Variants in DNAH8 observed in about 807,000 individuals in gnomAD.
DNAH8 encodes the protein dynein axonemal heavy chain 8.
In DNAH8, 382 loss-of-function variants were observed where a neutral mutation model predicts 562.1. That is an observed-to-expected ratio of 0.68 (90% CI 0.63 to 0.74). DNAH8 has a LOEUF of 0.74. DNAH8 is among the 30% of genes least tolerant of loss of function. The pLI is 0.00. For synonymous variants in DNAH8, 1,881 were observed against 1,919.4 expected, an observed-to-expected ratio of 0.98 and a Z score of 0.52; for missense variants, 5,203 against 5,620.4, an observed-to-expected ratio of 0.93 and a Z score of 2.37.
chr6:38,872,546 C>T lies in DNAH8; in HGVS notation c.7001C>T (p.Thr2334Met). 1 of 1,613,772 alleles carries T rather than the reference C, an allele frequency of 6.2e-7. No individual in the cohort carries two copies. Among genetic ancestry groups the T allele is most frequent in the South Asian group, 1.1e-5 (1 of 91,060 alleles). Residue 2334 changes from threonine (T) to methionine (M), a missense_variant, in exon 50 of 93, where the codon ACG becomes ATG. Thr to Met is a moderately conservative substitution (Grantham distance 81). Coordinates refer to ENST00000327475, the MANE Select transcript of DNAH8 (RefSeq NM_001206927.2). ...WNLKLVQLYE[T>M]SLVRHGLMTL... Reference sequence around the variant, plus strand: ...TGGTTAATTGTGTAGTTATATGAGACGTCTTTGGTACGGCATGGCTTGATG... The same window carrying T: ...TGGTTAATTGTGTAGTTATATGAGATGTCTTTGGTACGGCATGGCTTGATG...
intron 88 of DNAH8, among the ~76,000 whole-genome samples, chr6:39,007,054 C>A (rs931796266): frequency 7.9e-5 from 12 of 152,092 alleles, no homozygotes; most frequent in Non-Finnish European, 1.5e-4. Context: ...CACTTTATTT[C>A]CAGCATTCAT....
Position 38,842,853 on chromosome 6 carries a change from CT to C in DNAH8, c.4797del (p.Arg1600GlufsTer32). On this transcript the variant is annotated frameshift_variant, in exon 35 of 93. Transcript: ENST00000327475. LOFTEE classifies it high-confidence loss of function. The part of the protein sequence containing the change: ...PFDVESDSFC[L>X]RNIMEAPLLK... ...TGATGTGGAATCTGATTCTTTTTGCCTTAGAAATATCATGGAAGCACCACTC... is the reference window on the plus strand; with the variant it reads ...TGATGTGGAATCTGATTCTTTTTGCCTAGAAATATCATGGAAGCACCACTC... 4 of 1,613,684 alleles carry C rather than the reference CT, an allele frequency of 2.5e-6. No individual in the cohort carries two copies. Among genetic ancestry groups the C allele is most frequent in the Non-Finnish European group, 3.4e-6 (4 of 1,179,800 alleles).
At position 38,778,245 on chromosome 6, in the gene DNAH8, C is replaced by T. The variant is rs539098465; in HGVS notation, c.1963-143C>T. On this transcript the variant is annotated intron_variant, in intron 13 of 92. Transcript: ENST00000327475. ...TGTGGCCAAAGTCCATCATACTGGA[C>T]GATGCAGTTCTTGATGCTTAGATGG... The T allele has an allele frequency of 9.7e-5, 50 of 513,692 alleles. No homozygotes were observed. In the Middle Eastern group the frequency reaches 2.1e-3, roughly 21 times the overall value. The allele number at this position is 513,692 out of a possible 1,614,324, so 31.8% of individuals were successfully genotyped here.
intron 79 of DNAH8, among the ~76,000 whole-genome samples, chr6:38,944,990 C>T (rs902686625): frequency 1.3e-5 from 2 of 151,994 alleles, no homozygotes; most frequent in Non-Finnish European, 2.9e-5. Flanking sequence ...CTAACCCTAA[C>T]CCTAACCCTA....
chr6:38,932,219 C>CT (rs1296934066), intron 76 of DNAH8, among the ~76,000 whole-genome samples: 14 of 151,652 alleles, frequency 9.2e-5, no homozygotes, highest in Non-Finnish European at 1.5e-4. Context: ...CACACACACC[C>CT]GTCTCTTTCT....
chr6:38,774,015 AGT>A (rs1219414018), intron 12 of DNAH8, among the ~76,000 whole-genome samples: 6 of 152,236 alleles, frequency 3.9e-5, no homozygotes, highest in African/African-American at 1.4e-4. Context: ...AGAAGGCTCT[AGT>A]GTGTCAGTGT....
At chr6:38,718,913 C>G (rs925479506) in intron 1 of DNAH8, among the ~76,000 whole-genome samples, 3 of 152,066 alleles carry the variant, frequency 2.0e-5, no homozygotes, top group African/African-American at 7.2e-5. Flanking sequence ...TATAGTTTAC[C>G]TCTTTACTTC....
intron 87 of DNAH8, among the ~76,000 whole-genome samples, chr6:38,989,105 CTAAAA>C (rs1764602979): frequency 6.6e-6 from 1 of 152,200 alleles, no homozygotes. Flanking sequence ...ATCACTGGAT[CTAAAA>C]AGAGCTGGAG....
At position 39,007,937 on chromosome 6, in the gene DNAH8, C is replaced by CCCGA; in HGVS notation, c.13215-875_13215-874insGACC. 3.9e-5 allele frequency among the ~76,000 whole-genome samples: 3 copies of CCCGA among 76,510 alleles called. No homozygotes were observed. The Middle Eastern group carries it at 0.024, about 607-fold the overall frequency. 50.2% of individuals were successfully genotyped at this position (76,510 alleles called of 152,430 possible). A position where few individuals can be genotyped will look rare whatever the true frequency, so the allele number is the denominator to read the frequency against. On this transcript the variant is annotated intron_variant, in intron 88 of 92. Coordinates refer to ENST00000327475, the MANE Select transcript of DNAH8 (RefSeq NM_001206927.2). ...ACACAGGCACATACAGCGCCCCACC[C>CCCGA]CCCACCCACCCACACACACACACAC...
At chr6:39,021,276 G>T (rs908837971) in intron 91 of DNAH8, among the ~76,000 whole-genome samples, 1 of 152,184 alleles carries the variant, frequency 6.6e-6, no homozygotes, top group African/African-American at 2.4e-5. Context: ...TGATTGAAAT[G>T]CAGAATTTCA....
intron 92 of DNAH8, 93 bp downstream of exon 92, chr6:39,026,760 G>A (rs1473452283): frequency 1.7e-5 from 24 of 1,408,498 alleles, no homozygotes; most frequent in Non-Finnish European, 2.3e-5. Flanking sequence ...GCCTTGGTTA[G>A]GTCCATTTGC....
chr6:38,790,821 T>TAA (rs777354870), intron 20 of DNAH8, among the ~76,000 whole-genome samples: 4 of 137,274 alleles, frequency 2.9e-5, no homozygotes, highest in Non-Finnish European at 4.8e-5. Context: ...AGACTCCGTC[T>TAA]AAAAAAAAAA....
chr6:38,840,449 T>C (rs1256787155), intron 33 of DNAH8, among the ~76,000 whole-genome samples: 2 of 152,252 alleles, frequency 1.3e-5, no homozygotes, highest in Non-Finnish European at 2.9e-5. Context: ...GAAGGAACAC[T>C]GTCACTTATC....
At chr6:38,747,706 A>T (rs1373912321) in intron 8 of DNAH8, among the ~76,000 whole-genome samples, 5 of 152,154 alleles carry the variant, frequency 3.3e-5, no homozygotes, top group African/African-American at 1.2e-4. Context: ...TTTTCTTGTA[A>T]TCATCATAAC....
intron 17 of DNAH8, among the ~76,000 whole-genome samples, chr6:38,785,695 A>G (rs1769093995): frequency 6.7e-6 from 1 of 149,592 alleles, no homozygotes; most frequent in African/African-American, 2.5e-5. Flanking sequence ...ATGTGTTCTC[A>G]TTGTTCAACT....
intron 74 of DNAH8, among the ~76,000 whole-genome samples, chr6:38,928,844 C>T (rs1782314356): frequency 1.3e-5 from 2 of 152,256 alleles, no homozygotes; most frequent in Admixed American, 6.5e-5. Flanking sequence ...CCAATTGGCT[C>T]ATGCAGAGAT....
At position 38,850,260 on chromosome 6, in the gene DNAH8, C is replaced by T. The variant is rs146241522; in HGVS notation, c.5209C>T (p.Arg1737Cys). 432 of 1,612,062 alleles carry T rather than the reference C, an allele frequency of 2.7e-4. 3 individuals are homozygous for T. In the African/African-American group the frequency reaches 5.0e-3, roughly 19 times the overall value. Residue 1737 changes from arginine to cysteine, a missense_variant, in exon 38 of 93, where the codon CGT (arginine) becomes TGT (cysteine). By Grantham distance (180) the Arg-to-Cys change is radical (BLOSUM62 -3). This residue lies in a region of DNAH8 where 2,176 missense variants were observed against 2,365.1 expected (regional missense o/e 0.92). Coordinates refer to ENST00000327475, the MANE Select transcript of DNAH8 (RefSeq NM_001206927.2). ...IAKQLPQEAK[R>C]FQNIDKSWIK... ...ATGGATGCATTTTCAGGAAGCAAAA[C>T]GTTTTCAGAATATTGACAAGTCTTG...
chr6:38,838,079 AAT>A, intron 33 of DNAH8, 37 bp downstream of exon 33: 1 of 1,267,804 alleles, frequency 7.9e-7, no homozygotes, highest in Non-Finnish European at 1.1e-6. Context: ...ACATGCAAAT[AAT>A]TAAATACTAT....
At chr6:38,976,287 T>C (rs1403437574) in intron 85 of DNAH8, among the ~76,000 whole-genome samples, 2 of 152,196 alleles carry the variant, frequency 1.3e-5, no homozygotes, top group South Asian at 4.1e-4. Context: ...AAGTAGGTGA[T>C]CTTTCAAGGT....
Sources: allele counts gnomAD v4.1 joint callset (sites outside exome capture counted in the v4.1 genomes callset), GRCh38; gene constraint gnomAD v4.1.1; regional missense constraint gnomAD v4.1.1; transcripts MANE v1.5; gene names NCBI Gene and HGNC (gene_info 2026-07-23, HGNC 2026-07-21).